CEP170B: variants seen among roughly 807,000 people sequenced by gnomAD.
CEP170B encodes the protein centrosomal protein of 170 kDa protein B.
A neutral mutation model predicts 120.6 loss-of-function variants in CEP170B; 55 were observed. That is an observed-to-expected ratio of 0.46 (90% CI 0.37 to 0.57). The LOEUF (loss-of-function observed/expected upper bound fraction) is 0.57, where lower values mean the gene tolerates loss of function less well. Among genes scored for constraint, CEP170B ranks in the 20% least tolerant of loss-of-function variants. CEP170B has a pLI of 0.00. For missense variants in CEP170B, 2,212 were observed against 2,253.3 expected, an observed-to-expected ratio of 0.98 and a Z score of 0.37; for synonymous variants, 1,033 against 954.5, an observed-to-expected ratio of 1.08 and a Z score of -1.52.
chr14:104,865,391 C>CCGGGCGGG lies in CEP170B; in HGVS notation c.-139_-132dup, dbSNP rs548529289. The stretch of plus-strand genomic sequence containing the variant: ...GGCGGCGGCCCCGCCCAGCGCTCGG[C>CCGGGCGGG]CGGGCGGGCGGGCGGGCGCGAGGGC... On this transcript the variant is annotated 5_prime_UTR_variant, in exon 1 of 19. Coordinates refer to ENST00000414716, the MANE Select transcript of CEP170B (RefSeq NM_001112726.3). This position sits in a 1 kb window ranked among gnomAD's most constrained non-coding sequence, Gnocchi z 6.7. 2.1e-5 allele frequency: 3 copies of CCGGGCGGG among 146,058 alleles called. No homozygotes were observed. The highest frequency in any genetic ancestry group is 7.6e-5 in the African/African-American group (3 of 39,356). The allele number at this position is 146,058 out of a possible 1,614,324, so 9.0% of individuals were successfully genotyped here. A position where few individuals can be genotyped will look rare whatever the true frequency, so the allele number is the denominator to read the frequency against.
intron 2 of CEP170B, among the ~76,000 whole-genome samples, chr14:104,873,864 C>T (rs1415861013): frequency 6.6e-6 from 1 of 152,194 alleles, no homozygotes; most frequent in African/African-American, 2.4e-5. Context: ...CGGCCCCAGG[C>T]CTCAGTGCTT....
chr14:104,894,856 G>A lies in CEP170B; in HGVS notation c.4563G>A (p.Leu1521=). ...CACCCGCCTCAGCCGAGGCCCTGCT[G>A]CCAGCCCTGCCCCTGAGGAATTTCC... ...PPSPASAEAL[L]PALPLRNFPQ... is the part of the protein sequence containing the mutation. Residue 1521 remains leucine, a synonymous_variant, in exon 19 of 19, where the codon CTG becomes CTA. Coordinates refer to ENST00000414716, the MANE Select transcript of CEP170B (RefSeq NM_001112726.3). 1 of 1,608,834 alleles carries A rather than the reference G, an allele frequency of 6.2e-7. No individual in the cohort carries two copies. Among genetic ancestry groups the A allele is most frequent in the Non-Finnish European group, 8.5e-7 (1 of 1,178,390 alleles).
intron 6 of CEP170B, among the ~76,000 whole-genome samples, chr14:104,881,377 C>T (rs113295573): frequency 2.7e-4 from 41 of 152,240 alleles, no homozygotes; most frequent in African/African-American, 8.7e-4. Context: ...GCTCCCACCT[C>T]GGTCCAGGAG....
rs1010731161 is a variant in CEP170B, at chr14:104,896,482, C to T, written c.*1524C>T. On this transcript the variant is annotated 3_prime_UTR_variant, in exon 19 of 19. Transcript: ENST00000414716. ...CCTGCCCCTGGACATGAAGTGGTCACGCTTCATCCACGGCTCCTTCCCACC... is the reference window on the plus strand; with the variant it reads ...CCTGCCCCTGGACATGAAGTGGTCATGCTTCATCCACGGCTCCTTCCCACC... 1.1e-4 allele frequency: 49 copies of T among 439,986 alleles called. 1 individual carries two copies. Among genetic ancestry groups the T allele is most frequent in the South Asian group, 1.3e-4 (8 of 63,618 alleles). 27.3% of individuals were successfully genotyped at this position (439,986 alleles called of 1,614,324 possible).
intron 9 of CEP170B, among the ~76,000 whole-genome samples, 161 bp downstream of exon 9, chr14:104,884,710 G>A (rs1272306967): frequency 7.1e-5 from 1 of 14,014 alleles, no homozygotes; most frequent in East Asian, 7.2e-4. Context: ...AGGTGATGCC[G>A]GGGGTGGCGA....
In CEP170B at chr14:104,883,541, G is replaced by A. The variant is rs916884965; in HGVS notation, c.1051+33G>A. The A allele has an allele frequency of 8.7e-6, 13 of 1,502,056 alleles. No homozygotes were observed. The African/African-American group carries it at 9.7e-5, about 11-fold the overall frequency. The allele number at this position is 1,502,056 out of a possible 1,614,324, so 93.0% of individuals were successfully genotyped here. ...CCCAGCTGGCGGCCGTGCCAGTCCCGGGACAGGCAGGGGACCGGACTTTGG... is the reference window on the plus strand; with the variant it reads ...CCCAGCTGGCGGCCGTGCCAGTCCCAGGACAGGCAGGGGACCGGACTTTGG... On this transcript the variant is annotated intron_variant, in intron 8 of 18. Coordinates refer to ENST00000414716, the MANE Select transcript of CEP170B (RefSeq NM_001112726.3).
intron 5 of CEP170B, 60 bp from the exon 6 acceptor site, chr14:104,880,227 C>A (rs1380880431): frequency 3.2e-6 from 5 of 1,547,676 alleles, no homozygotes; most frequent in African/African-American, 1.4e-5. Flanking sequence ...GCTGGGCCCA[C>A]CCTGGTGGGT....
chr14:104,889,938 A>AG (rs1896712002), intron 13 of CEP170B, among the ~76,000 whole-genome samples, 180 bp downstream of exon 13: 1 of 62,910 alleles, frequency 1.6e-5, no homozygotes, highest in Non-Finnish European at 3.4e-5. Flanking sequence ...GGATGGATGG[A>AG]TGGATGGATG....
At position 104,872,374 on chromosome 14, in the gene CEP170B, ATGGGTGTGCATGTGTGCCG is replaced by A. The variant is rs1274369910; in HGVS notation, c.105+3829_105+3847del. On this transcript the variant is annotated intron_variant, in intron 2 of 18. Transcript: ENST00000414716. The stretch of plus-strand genomic sequence containing the variant: ...CGTGTGTGTGCCGCGTGTGTGTGCC[ATGGGTGTGCATGTGTGCCG>A]TGGGTGTGCGTGGGTGTGCCGTGGG... Among the ~76,000 whole-genome samples the A allele has an allele frequency of 8.4e-3, 547 of 64,912 alleles. 44 individuals are homozygous for A. Among genetic ancestry groups the A allele is most frequent in the Middle Eastern group, 0.02 (1 of 50 alleles). 42.6% of individuals were successfully genotyped at this position (64,912 alleles called of 152,430 possible). A position where few individuals can be genotyped will look rare whatever the true frequency, so the allele number is the denominator to read the frequency against.
chr14:104,886,990 G>C lies in CEP170B; in HGVS notation c.2751G>C (p.Thr917=). Residue 917 remains threonine, a synonymous_variant, in exon 12 of 19, where the codon ACG becomes ACC. Transcript: ENST00000414716. ...ACACCCACCTGATCTTGAAGGAGAC[G>C]GAGACGGCCCTGGCGGCCCTGGAGG... ...SQDTHLILKE[T]ETALAALEAR... 1.2e-6 allele frequency: 2 copies of C among 1,609,414 alleles called. No homozygotes were observed. Among genetic ancestry groups the C allele is most frequent in the Non-Finnish European group, 1.7e-6 (2 of 1,179,828 alleles).
intron 13 of CEP170B, 139 bp downstream of exon 13, chr14:104,889,897 GATGGACAA>G: frequency 1.4e-6 from 1 of 712,390 alleles, no homozygotes; most frequent in Non-Finnish European, 2.2e-6. Flanking sequence ...TGGCTGGATG[GATGGACAA>G]ATGGATGGAT....
rs766723367 is a variant in CEP170B at position 104,893,062 on chromosome 14, C to T, written c.3965C>T (p.Ser1322Leu). The change falls in exon 14 of 19, where the codon TCG becomes TTG. Residue 1322 changes from serine (S) to leucine (L), a missense_variant. This residue lies in a region of CEP170B where 2,166 missense variants were observed against 2,166.7 expected (regional missense o/e 1.00). Transcript: ENST00000414716. The part of the protein sequence containing the change: ...VAGDGDTLGS[S>L]EPAHSASLSN... ...GGGGACGGTGACACACTGGGCTCCT[C>T]GGAGCCTGCCCACAGCGCCTCCCTC... is the stretch of plus-strand genomic sequence containing the variant. 2.1e-5 allele frequency: 33 copies of T among 1,600,780 alleles called. No homozygotes were observed. In the South Asian group the frequency reaches 3.0e-4, roughly 15 times the overall value.
At chr14:104,880,249 C>G in intron 5 of CEP170B, 38 bp from the exon 6 acceptor site, 3 of 1,561,004 alleles carry the variant, frequency 1.9e-6, no homozygotes, top group Non-Finnish European at 2.6e-6. Context: ...CCTCCTGAGG[C>G]TGGGCCCAGT....
intron 5 of CEP170B, among the ~76,000 whole-genome samples, chr14:104,879,897 G>T (rs571729965): frequency 1.3e-5 from 2 of 152,154 alleles, no homozygotes; most frequent in African/African-American, 4.8e-5. Flanking sequence ...CGCTTAGCCC[G>T]TTCCTCGGAT....
At chr14:104,889,513 A>AGACACGAGGC in intron 12 of CEP170B, 107 bp from the exon 13 acceptor site, 1 of 1,571,878 alleles carries the variant, frequency 6.4e-7, no homozygotes, top group Non-Finnish European at 8.6e-7. Context: ...TCACTCACCA[A>AGACACGAGGC]GACACGAGGC....
chr14:104,865,149 A>C (rs1450739982), upstream of CEP170B: 1 of 125,604 alleles, frequency 8.0e-6, no homozygotes, highest in African/African-American at 3.0e-5. This position sits in a 1 kb window ranked among gnomAD's most constrained non-coding sequence, Gnocchi z 6.7. Flanking sequence ...GCGGCCGCGG[A>C]CCCGCCCTAA....
chr14:104,891,063 A>G lies in CEP170B; in HGVS notation c.3878+1305A>G, dbSNP rs1169838143. Among the ~76,000 whole-genome samples the G allele has an allele frequency of 8.2e-6, 1 of 121,980 alleles. No homozygotes were observed. The highest frequency in any genetic ancestry group is 1.8e-5 in the Non-Finnish European group (1 of 55,212). 80.0% of individuals were successfully genotyped at this position (121,980 alleles called of 152,430 possible). A position where few individuals can be genotyped will look rare whatever the true frequency, so the allele number is the denominator to read the frequency against. On this transcript the variant is annotated intron_variant, in intron 13 of 18. Transcript: ENST00000414716. This position sits in a 1 kb window ranked among gnomAD's most constrained non-coding sequence, Gnocchi z 4.3. The stretch of plus-strand genomic sequence containing the variant: ...GATGGATGGATGAGTGGGTGGGTGG[A>G]TGGATGGATGGATGGATGGAGAGTG...
At chr14:104,866,776 G>A (rs1051783624) in intron 1 of CEP170B, among the ~76,000 whole-genome samples, 3 of 152,172 alleles carry the variant, frequency 2.0e-5, no homozygotes, top group Non-Finnish European at 4.4e-5. Flanking sequence ...GACCTTGGGC[G>A]TGGGCACTGG....
rs771523159 is a variant in CEP170B, at chr14:104,886,364, G to T, written c.2125G>T (p.Ala709Ser). 1 of 1,578,318 alleles carries T rather than the reference G, an allele frequency of 6.3e-7. No individual in the cohort carries two copies. The highest frequency in any genetic ancestry group is 1.2e-5 in the South Asian group (1 of 86,368). The change falls in exon 12 of 19, where the codon GCT becomes TCT. Residue 709 changes from alanine to serine, a missense_variant. Physicochemically the swap from Ala to Ser is moderately conservative, Grantham distance 99 (BLOSUM62 1). This residue lies in a region of CEP170B where 2,166 missense variants were observed against 2,166.7 expected (regional missense o/e 1.00). Coordinates refer to ENST00000414716, the MANE Select transcript of CEP170B (RefSeq NM_001112726.3). ...RRLPQLPSERADSPAGPESSR... is the reference protein window; with the variant it reads ...RRLPQLPSERSDSPAGPESSR... ...GCTCCCTCAGCTGCCCAGTGAGAGG[G>T]CTGACAGCCCTGCGGGCCCAGAGAG...
Sources: allele counts gnomAD v4.1 joint callset (sites outside exome capture counted in the v4.1 genomes callset), GRCh38; gene constraint gnomAD v4.1.1; regional missense constraint gnomAD v4.1.1; non-coding constraint Gnocchi (gnomAD v3.1); transcripts MANE v1.5; gene names NCBI Gene and HGNC (gene_info 2026-07-23, HGNC 2026-07-21).